Variants in UBR1 observed in about 807,000 individuals in gnomAD.
UBR1 encodes the protein E3 ubiquitin-protein ligase UBR1.
In UBR1, 102 loss-of-function variants were observed where a neutral mutation model predicts 242.1. That is an observed-to-expected ratio of 0.42 (90% confidence interval 0.36 to 0.50). The LOEUF (loss-of-function observed/expected upper bound fraction) is 0.50, where lower values mean the gene tolerates loss of function less well. UBR1 is among the 20% of genes least tolerant of loss of function. UBR1 has a pLI of 0.01. For missense variants in UBR1, 1,772 were observed against 2,101.8 expected (o/e 0.84, Z 3.07); for synonymous variants, 675 against 684.8 (o/e 0.99, Z 0.22).
At position 42,963,244 on chromosome 15, in the gene UBR1, C is replaced by T. The variant is rs144076321; in HGVS notation, c.4700+691G>A. On this transcript the variant is annotated intron_variant, in intron 42 of 46. Transcript: ENST00000290650. ...AAGGGTGGTAGGAGACAGAAGCCAACGTTCACACAAATACTGACCTGGGTA... is the reference window on the plus strand; with the variant it reads ...AAGGGTGGTAGGAGACAGAAGCCAATGTTCACACAAATACTGACCTGGGTA... 2.7e-4 allele frequency among the ~76,000 whole-genome samples: 41 copies of T among 151,744 alleles called. No individual in the cohort carries two copies. The East Asian group carries it at 4.1e-3, about 15-fold the overall frequency.
At chr15:43,021,741 C>T (rs1190503879) in intron 26 of UBR1, among the ~76,000 whole-genome samples, 1 of 152,100 alleles carries the variant, frequency 6.6e-6, no homozygotes, top group Admixed American at 6.5e-5. Context: ...AGATATGGAA[C>T]CCACAGATAT....
At chr15:43,011,577 T>C (rs1806621693) in intron 29 of UBR1, among the ~76,000 whole-genome samples, 1 of 152,254 alleles carries the variant, frequency 6.6e-6, no homozygotes, top group Non-Finnish European at 1.5e-5. Flanking sequence ...TTCAGCCAGA[T>C]TGGCACAAAT....
chr15:43,058,758 T>C (rs2033647729), intron 9 of UBR1, among the ~76,000 whole-genome samples: 1 of 152,198 alleles, frequency 6.6e-6, no homozygotes, highest in Non-Finnish European at 1.5e-5. Context: ...TTTAGATTTT[T>C]ACAATGAAAA....
chr15:43,088,366 T>C (rs1204158824), intron 1 of UBR1, among the ~76,000 whole-genome samples: 2 of 152,218 alleles, frequency 1.3e-5, no homozygotes, highest in African/African-American at 2.4e-5. Context: ...GGTACAGTCA[T>C]ACCACTCAAT....
chr15:43,075,113 T>C, intron 3 of UBR1, 24 bp from the exon 4 acceptor site: 1 of 1,556,162 alleles, frequency 6.4e-7, no homozygotes, highest in African/African-American at 1.4e-5. Context: ...AATGAGTTTG[T>C]CTTGATTTCA....
At position 42,978,073 on chromosome 15, in the gene UBR1, A is replaced by C. The variant is rs574621026; in HGVS notation, c.4151-126T>G. The C allele has an allele frequency of 2.1e-4, 151 of 734,288 alleles. 4 individuals are homozygous for C. In the South Asian group the frequency reaches 2.3e-3, roughly 11 times the overall value. 45.5% of individuals were successfully genotyped at this position (734,288 alleles called of 1,614,324 possible). ...TATAAAATACAGAAACTAATACATC[A>C]CACCTTTGAGATATGAAAACCATAA... is the stretch of plus-strand genomic sequence containing the variant. On this transcript the variant is annotated intron_variant, in intron 37 of 46. Coordinates refer to ENST00000290650, the MANE Select transcript of UBR1 (RefSeq NM_174916.3).
chr15:43,052,313 T>G (rs1425570604), intron 12 of UBR1, among the ~76,000 whole-genome samples: 1 of 152,212 alleles, frequency 6.6e-6, no homozygotes, highest in African/African-American at 2.4e-5. Flanking sequence ...CTTTAAATAC[T>G]TCTTCAAGTT....
rs527956935 is a variant in UBR1, at chr15:43,011,011, T to C, written c.3210-3727A>G. ...TCTCAAGTGTGTGTGTGTAACACTA[T>C]GTAATTAAAATTTTAGCTAGGTGTG... On this transcript the variant is annotated intron_variant, in intron 29 of 46. Transcript: ENST00000290650. Among the ~76,000 whole-genome samples the C allele has an allele frequency of 5.9e-5, 9 of 151,722 alleles. No individual in the cohort carries two copies. The South Asian group carries it at 1.7e-3, about 28-fold the overall frequency.
At chr15:43,049,950 C>G (rs1461109026) in intron 12 of UBR1, among the ~76,000 whole-genome samples, 1 of 151,984 alleles carries the variant, frequency 6.6e-6, no homozygotes, top group Non-Finnish European at 1.5e-5. Flanking sequence ...TAAGAAGCTT[C>G]CCTGCCCCCG....
At chr15:43,080,780 G>A (rs973790320) in intron 3 of UBR1, among the ~76,000 whole-genome samples, 6 of 151,942 alleles carry the variant, frequency 3.9e-5, no homozygotes, top group Admixed American at 2.0e-4. Flanking sequence ...GTGAAACCCC[G>A]TCTCTACTAA....
chr15:42,994,548 C>T (rs2412746), intron 33 of UBR1, among the ~76,000 whole-genome samples: 120,250 of 152,156 alleles, frequency 0.79, 48,838 homozygotes, highest in Non-Finnish European at 0.89. Flanking sequence ...CTATCTCCCA[C>T]TATCACTATG....
intron 29 of UBR1, among the ~76,000 whole-genome samples, chr15:43,007,563 C>CT (rs66785883): frequency 2.1e-3 from 291 of 140,296 alleles, no homozygotes; most frequent in Middle Eastern, 3.7e-3. Flanking sequence ...ATAAGCTGGG[C>CT]TTTTTTTTTT....
At chr15:42,988,591 TA>T (rs1453532852) in intron 35 of UBR1, 8 of 566,076 alleles carry the variant, frequency 1.4e-5, no homozygotes, top group East Asian at 9.9e-5. Context: ...TTTTTAAAAA[TA>T]TTTTTTTTAA....
intron 4 of UBR1, among the ~76,000 whole-genome samples, chr15:43,071,698 A>T (rs2033827121): frequency 2.0e-5 from 3 of 152,244 alleles, no homozygotes; most frequent in Admixed American, 1.3e-4. Context: ...ACATGACTAA[A>T]ATCTGGGTCT....
At position 43,082,754 on chromosome 15, in the gene UBR1, G is replaced by T; in HGVS notation, c.339-38C>A. On this transcript the variant is annotated intron_variant, in intron 2 of 46. Coordinates refer to ENST00000290650, the MANE Select transcript of UBR1 (RefSeq NM_174916.3). ...AGAAATCAGATTCCAAAATTTAGAT[G>T]ACTCCCACTGATGCTCAAGGTATGA... 2.8e-6 allele frequency: 4 copies of T among 1,449,626 alleles called. No individual in the cohort carries two copies. The South Asian group carries it at 4.6e-5, about 17-fold the overall frequency. The allele number at this position is 1,449,626 out of a possible 1,614,324, so 89.8% of individuals were successfully genotyped here.
At chr15:42,985,442 T>A in intron 35 of UBR1, among the ~76,000 whole-genome samples, 1 of 152,024 alleles carries the variant, frequency 6.6e-6, no homozygotes, top group Admixed American at 6.6e-5. Flanking sequence ...AACCTCCACC[T>A]CCTGGGCTCA....
rs2033620945 is a variant in UBR1, at chr15:43,056,457, TA to T, written c.1183-16del. The T allele has an allele frequency of 6.5e-7, 1 of 1,542,806 alleles. No homozygotes were observed. Among genetic ancestry groups the T allele is most frequent in the East Asian group, 2.3e-5 (1 of 44,414 alleles). On this transcript the variant is annotated splice_polypyrimidine_tract_variant and intron_variant, in intron 10 of 46. Transcript: ENST00000290650. ...TGTTTATAATACTGAAATATATAAG[TA>T]GAGAATCAATTATAAATCACTACTA...
At chr15:42,972,053 G>T (rs1221229993) in intron 39 of UBR1, among the ~76,000 whole-genome samples, 1 of 152,088 alleles carries the variant, frequency 6.6e-6, no homozygotes, top group African/African-American at 2.4e-5. Flanking sequence ...TTACATTAGG[G>T]TTCATTCTTG....
intron 4 of UBR1, among the ~76,000 whole-genome samples, chr15:43,073,093 G>T (rs2033842868): frequency 1.3e-5 from 2 of 151,524 alleles, no homozygotes; most frequent in Admixed American, 6.6e-5. Flanking sequence ...CCCAGGAGGT[G>T]GAGGTTACAA....
Sources: allele counts gnomAD v4.1 joint callset (sites outside exome capture counted in the v4.1 genomes callset), GRCh38; gene constraint gnomAD v4.1.1; transcripts MANE v1.5; gene names NCBI Gene and HGNC (gene_info 2026-07-23, HGNC 2026-07-21).